Variants in EGFLAM observed in about 807,000 individuals in gnomAD.
EGFLAM encodes the protein pikachurin.
In EGFLAM, 79 loss-of-function variants were observed where a neutral mutation model predicts 113.1. The observed-to-expected ratio is 0.70, with a 90% confidence interval of 0.58 to 0.84. EGFLAM has a LOEUF of 0.84. Among genes scored for constraint, EGFLAM ranks in the 40% least tolerant of loss-of-function variants. The probability of loss-of-function intolerance (pLI) is 0.00; values close to 1 mark genes in which losing one functional copy is unlikely to be tolerated. For synonymous variants in EGFLAM, 504 were observed against 487.6 expected (o/e 1.03, Z -0.44); for missense variants, 1,265 against 1,291.6 (o/e 0.98, Z 0.32).
intron 3 of EGFLAM, 54 bp downstream of exon 3, chr5:38,338,835 C>A (rs1739261822): frequency 2.0e-6 from 3 of 1,476,908 alleles, no homozygotes; most frequent in South Asian, 1.1e-5. Context: ...ACTATTCGGG[C>A]GGATTGCTGA....
In EGFLAM at chr5:38,464,087, T is replaced by C; in HGVS notation, c.*101T>C. 1 of 1,458,008 alleles carries C rather than the reference T, an allele frequency of 6.9e-7. No individual in the cohort carries two copies. The highest frequency in any genetic ancestry group is 9.3e-7 in the Non-Finnish European group (1 of 1,075,644). The allele number at this position is 1,458,008 out of a possible 1,614,324, so 90.3% of individuals were successfully genotyped here. A position where few individuals can be genotyped will look rare whatever the true frequency, so the allele number is the denominator to read the frequency against. On this transcript the variant is annotated 3_prime_UTR_variant, in exon 22 of 22. Transcript: ENST00000322350. ...TATATGCAGAGGCCCAGGGACCAGG[T>C]GTGTTTCCTCTCACCAAGAAGAAAG...
At chr5:38,292,471 GTTTGCTT>G (rs1224088430) in intron 1 of EGFLAM, among the ~76,000 whole-genome samples, 1 of 152,182 alleles carries the variant, frequency 6.6e-6, no homozygotes, top group Non-Finnish European at 1.5e-5. Flanking sequence ...TAACCTAAAA[GTTTGCTT>G]TCATCTTCCA....
intron 1 of EGFLAM, among the ~76,000 whole-genome samples, chr5:38,315,520 C>T (rs1738570053): frequency 6.6e-6 from 1 of 152,174 alleles, no homozygotes; most frequent in African/African-American, 2.4e-5. Flanking sequence ...CTCAATTCAT[C>T]ATAAGATCTT....
In EGFLAM at chr5:38,312,243, A is replaced by ATTTTT. The variant is rs35055096; in HGVS notation, c.98-25265_98-25261dup. Among the ~76,000 whole-genome samples, 888 of 140,254 alleles carry ATTTTT rather than the reference A, an allele frequency of 6.3e-3. 15 individuals are homozygous for ATTTTT. Among genetic ancestry groups the ATTTTT allele is most frequent in the African/African-American group, 0.022 (851 of 37,982 alleles). The allele number at this position is 140,254 out of a possible 152,430, so 92.0% of individuals were successfully genotyped here. ...GTTACTCTATCTCTCTGTATCTCAG[A>ATTTTT]TTTTTTTTTTTTTTTTGAGACAGAG... On this transcript the variant is annotated intron_variant, in intron 1 of 21. Coordinates refer to ENST00000322350, the MANE Select transcript of EGFLAM (RefSeq NM_152403.4).
chr5:38,432,484 G>A (rs1742218054), intron 15 of EGFLAM, among the ~76,000 whole-genome samples: 1 of 134,552 alleles, frequency 7.4e-6, no homozygotes, highest in Non-Finnish European at 1.6e-5. Flanking sequence ...TGGAAGGGAG[G>A]AAGGGTGGGG....
At chr5:38,352,052 A>G (rs1334943707) in intron 4 of EGFLAM, 144 bp from the exon 5 acceptor site, 8 of 1,099,362 alleles carry the variant, frequency 7.3e-6, no homozygotes, top group Non-Finnish European at 1.0e-5. Flanking sequence ...CTGAACAGAG[A>G]TATTTTGGGT....
At chr5:38,407,680 A>T (rs1579884175) in intron 8 of EGFLAM, 125 bp from the exon 9 acceptor site, 1 of 633,494 alleles carries the variant, frequency 1.6e-6, no homozygotes, top group East Asian at 2.8e-5. Flanking sequence ...AAAAGAAGAT[A>T]GCGAAGTTGA....
intron 6 of EGFLAM, among the ~76,000 whole-genome samples, chr5:38,393,655 G>C (rs1233658979): frequency 6.6e-6 from 1 of 152,370 alleles, no homozygotes; most frequent in East Asian, 1.9e-4. Flanking sequence ...CCCACCGCTG[G>C]CCAGTCCTTG....
At chr5:38,444,770 C>T (rs1470653375) in intron 17 of EGFLAM, among the ~76,000 whole-genome samples, 1 of 152,088 alleles carries the variant, frequency 6.6e-6, no homozygotes, top group Admixed American at 6.6e-5. Context: ...CATGGCGAAA[C>T]CCCAACTCTA....
intron 5 of EGFLAM, among the ~76,000 whole-genome samples, chr5:38,369,467 T>C (rs1267682676): frequency 2.0e-5 from 3 of 152,266 alleles, no homozygotes; most frequent in African/African-American, 7.2e-5. Context: ...ACTAGTTCTG[T>C]GAAGAAGTCC....
intron 3 of EGFLAM, among the ~76,000 whole-genome samples, chr5:38,343,991 T>C (rs1330482223): frequency 6.6e-6 from 1 of 152,182 alleles, no homozygotes; most frequent in Non-Finnish European, 1.5e-5. Flanking sequence ...ATGCCTCCTC[T>C]CAGCTGTGCT....
At chr5:38,287,325 G>A (rs751569714) in intron 1 of EGFLAM, among the ~76,000 whole-genome samples, 1 of 152,182 alleles carries the variant, frequency 6.6e-6, no homozygotes, top group Non-Finnish European at 1.5e-5. Flanking sequence ...GCGTATATGT[G>A]CCTAGCACAG....
At position 38,418,076 on chromosome 5, in the gene EGFLAM, G is replaced by C. The variant is rs747530798; in HGVS notation, c.1505G>C (p.Ser502Thr). ...TCATCTTTCTTAAAGGGCCAATACA[G>C]TAAAATTACTTTCCGGACACCTCTC... ...PVTGQSQGQYSKITFRTPLYL... is the reference protein window; with the variant it reads ...PVTGQSQGQYTKITFRTPLYL... Residue 502 changes from serine to threonine, a missense_variant, in exon 12 of 22, where the codon AGT (serine) becomes ACT (threonine). Coordinates refer to ENST00000322350, the MANE Select transcript of EGFLAM (RefSeq NM_152403.4). 2 of 1,613,612 alleles carry C rather than the reference G, an allele frequency of 1.2e-6. No individual in the cohort carries two copies.
intron 1 of EGFLAM, among the ~76,000 whole-genome samples, chr5:38,314,988 G>A (rs1159022546): frequency 6.6e-6 from 1 of 152,146 alleles, no homozygotes; most frequent in Non-Finnish European, 1.5e-5. Flanking sequence ...CACAATATTT[G>A]GGGGTCATTT....
chr5:38,353,914 A>G (rs1208354329), intron 5 of EGFLAM, among the ~76,000 whole-genome samples: 1 of 152,144 alleles, frequency 6.6e-6, no homozygotes, highest in Admixed American at 6.5e-5. Flanking sequence ...AAATCTCAAT[A>G]TTTATTCTCA....
intron 1 of EGFLAM, among the ~76,000 whole-genome samples, chr5:38,295,556 G>C (rs1758434365): frequency 1.3e-5 from 2 of 152,186 alleles, no homozygotes; most frequent in African/African-American, 4.8e-5. Context: ...TTACTACATG[G>C]GAAAGTCTAG....
At chr5:38,399,628 C>G (rs1176066756) in intron 6 of EGFLAM, among the ~76,000 whole-genome samples, 1 of 152,120 alleles carries the variant, frequency 6.6e-6, no homozygotes. Context: ...TGTGGACCTA[C>G]TGCTTCCACT....
intron 5 of EGFLAM, among the ~76,000 whole-genome samples, chr5:38,361,274 C>A (rs1469386509): frequency 6.6e-6 from 1 of 152,146 alleles, no homozygotes; most frequent in Non-Finnish European, 1.5e-5. Flanking sequence ...TCACTTCCTC[C>A]AGGAAGCCCT....
chr5:38,312,516 A>G (rs1012549799), intron 1 of EGFLAM, among the ~76,000 whole-genome samples: 1 of 152,172 alleles, frequency 6.6e-6, no homozygotes, highest in Non-Finnish European at 1.5e-5. Flanking sequence ...CTGGGATTAC[A>G]GGCGTGAGCC....
Sources: gnomAD v4.1 joint callset for allele counts (sites outside exome capture counted in the v4.1 genomes callset) on GRCh38, gnomAD v4.1.1 for gene constraint, MANE v1.5 for transcripts, NCBI Gene and HGNC (gene_info 2026-07-23, HGNC 2026-07-21) for gene names.